GSE1: variants seen among roughly 807,000 people sequenced by gnomAD.
GSE1 encodes genetic suppressor element 1.
GSE1 carries 32 observed loss-of-function variants against 112.6 expected under a neutral mutation model. The ratio of observed to expected loss-of-function variants is 0.28; its 90% CI spans 0.21 to 0.38. GSE1 has a LOEUF of 0.38. Ranked by LOEUF, GSE1 falls within the 10% of genes least tolerant of loss-of-function variation. GSE1 has a pLI of 1.00. For synonymous variants in GSE1, 1,115 were observed against 735.6 expected, an observed-to-expected ratio of 1.52 and a Z score of -8.35; for missense variants, 2,348 against 1,699.2, an observed-to-expected ratio of 1.38 and a Z score of -6.71.
At chr16:85,488,298 C>T (rs1322127832) in intron 2 of GSE1, among the ~76,000 whole-genome samples, 1 of 152,128 alleles carries the variant, frequency 6.6e-6, no homozygotes. Context: ...GCTTGTCTGC[C>T]CGCCTCCGTT....
At chr16:85,460,517 A>C (rs1178398934) in intron 2 of GSE1, among the ~76,000 whole-genome samples, 1 of 152,256 alleles carries the variant, frequency 6.6e-6, no homozygotes, top group Non-Finnish European at 1.5e-5. Flanking sequence ...AAGGTAGTTC[A>C]TGTAAAGCCC....
At chr16:85,361,910 G>A (rs975492796) in intron 2 of GSE1, among the ~76,000 whole-genome samples, 11 of 152,182 alleles carry the variant, frequency 7.2e-5, no homozygotes, top group Middle Eastern at 3.4e-3. Flanking sequence ...ACTACGGTCG[G>A]ATAGGGCCAC....
chr16:85,597,076 C>A (rs1028890047), intron 1 of GSE1, among the ~76,000 whole-genome samples: 6 of 151,750 alleles, frequency 4.0e-5, no homozygotes, highest in Non-Finnish European at 7.4e-5. Flanking sequence ...CTCCTGGGTT[C>A]AAGCAATCCT....
In GSE1 at chr16:85,266,947, G is replaced by A. The variant is rs1480720556; in HGVS notation, c.2284-90516G>A. ...TCTGGACATCTGGTGCCTGCTCAGC[G>A]CGGGGACAGGAGGGAGCCTGCAGGG... is the stretch of plus-strand genomic sequence containing the variant. On this transcript the variant is annotated intron_variant, in intron 1 of 2. Transcript: ENST00000637419. Among the ~76,000 whole-genome samples, 14 of 152,308 alleles carry A rather than the reference G, an allele frequency of 9.2e-5. No individual in the cohort carries two copies. The East Asian group carries it at 1.5e-3, about 17-fold the overall frequency.
intron 1 of GSE1, among the ~76,000 whole-genome samples, chr16:85,289,605 C>T (rs761048797): frequency 5.9e-5 from 9 of 152,178 alleles, no homozygotes; most frequent in Non-Finnish European, 1.3e-4. Flanking sequence ...ACTTTGAGAA[C>T]CATGGAGCTG....
intron 2 of GSE1, among the ~76,000 whole-genome samples, chr16:85,435,880 C>T (rs1029734052): frequency 3.3e-5 from 5 of 152,112 alleles, no homozygotes; most frequent in African/African-American, 9.7e-5. Context: ...GTTCCCCAGG[C>T]AGGAAGCTGA....
intron 2 of GSE1, among the ~76,000 whole-genome samples, chr16:85,548,915 G>A (rs1450888525): frequency 1.3e-5 from 2 of 151,998 alleles, no homozygotes; most frequent in Admixed American, 6.6e-5. Flanking sequence ...TCAGCCTCCC[G>A]AGTAGCTGGG....
intron 1 of GSE1, among the ~76,000 whole-genome samples, chr16:85,204,146 T>C (rs1225080000): frequency 1.3e-5 from 2 of 152,208 alleles, no homozygotes; most frequent in African/African-American, 4.8e-5. Context: ...TTCCCCTCAG[T>C]CTCCAGCGAT....
intron 3 of GSE1, among the ~76,000 whole-genome samples, chr16:85,649,429 C>T (rs2051148298): frequency 6.6e-6 from 1 of 152,234 alleles, no homozygotes; most frequent in African/African-American, 2.4e-5. Context: ...CAGAACAAGA[C>T]ATCTGGTGGG....
chr16:85,593,729 T>C lies in GSE1; in HGVS notation c.37+37366T>C, dbSNP rs1380175471. Reference sequence around the variant, plus strand: ...TGCATAATCCACACAGTCACCCTGGTTTTAATTGCCCACAACTCTGCAGAA... The same window carrying C: ...TGCATAATCCACACAGTCACCCTGGCTTTAATTGCCCACAACTCTGCAGAA... On this transcript the variant is annotated intron_variant, in intron 1 of 2. Coordinates refer to the GSE1 transcript ENST00000635906. 4 of 152,226 alleles carry C rather than the reference T, an allele frequency of 2.6e-5. No homozygotes were observed. In the East Asian group the frequency reaches 7.7e-4, roughly 29 times the overall value. 9.4% of individuals were successfully genotyped at this position (152,226 alleles called of 1,614,324 possible).
chr16:85,435,668 G>GGA (rs1422212136), intron 2 of GSE1, among the ~76,000 whole-genome samples: 5 of 152,126 alleles, frequency 3.3e-5, no homozygotes, highest in East Asian at 3.9e-4. Context: ...AAGGGGAGAG[G>GGA]GAGAGACGGT....
At chr16:85,282,226 C>T (rs1011524846) in intron 1 of GSE1, among the ~76,000 whole-genome samples, 2 of 152,118 alleles carry the variant, frequency 1.3e-5, no homozygotes, top group African/African-American at 4.8e-5. Flanking sequence ...CGGGGTTTCA[C>T]CATGTTGGCC....
intron 2 of GSE1, among the ~76,000 whole-genome samples, chr16:85,636,432 CT>C (rs977319075): frequency 6.6e-6 from 1 of 152,182 alleles, no homozygotes; most frequent in Non-Finnish European, 1.5e-5. Flanking sequence ...CTGGTCACCC[CT>C]GTCAGGCCTT....
At chr16:85,522,444 A>G (rs751832874) in intron 2 of GSE1, among the ~76,000 whole-genome samples, 1 of 125,418 alleles carries the variant, frequency 8.0e-6, no homozygotes, top group Non-Finnish European at 1.6e-5. Context: ...CCTCCCTGCC[A>G]GAGGAGACCT....
rs887310220 is a variant in GSE1 at position 85,419,611 on chromosome 16, A to C, written c.2464+61968A>C. Among the ~76,000 whole-genome samples, 4 of 151,930 alleles carry C rather than the reference A, an allele frequency of 2.6e-5. No homozygotes were observed. Among genetic ancestry groups the C allele is most frequent in the East Asian group, 3.9e-4 (2 of 5,188 alleles). The stretch of plus-strand genomic sequence containing the variant: ...ATAGAGCAAGGCTGTGTCTCAAAAA[A>C]AAAAAACAAAAAACAAAAAACAAAA... On this transcript the variant is annotated intron_variant, in intron 2 of 2. Transcript: ENST00000637419. This position sits in a 1 kb window ranked among gnomAD's most constrained non-coding sequence, Gnocchi z 6.5.
At position 85,671,010 on chromosome 16, in the gene GSE1, G is replaced by T. The variant is rs991199912; in HGVS notation, c.3431G>T (p.Arg1144Leu). The T allele has an allele frequency of 1.2e-6, 2 of 1,608,734 alleles. No individual in the cohort carries two copies. The highest frequency in any genetic ancestry group is 8.5e-7 in the Non-Finnish European group (1 of 1,175,400). Residue 1144 changes from arginine to leucine, a missense_variant, in exon 15 of 16, where the codon CGG (arginine) becomes CTG (leucine). Coordinates refer to ENST00000253458, the MANE Select transcript of GSE1 (RefSeq NM_014615.5). ...QEHIEEQNLE[R>L]QVLQTQCRRL... ...GTCTTTTCAGAGCAAAATCTGGAGC[G>T]GCAGGTGTTACAGACACAATGTAGA...
intron 2 of GSE1, among the ~76,000 whole-genome samples, chr16:85,376,939 T>C (rs536189158): frequency 2.6e-5 from 4 of 152,354 alleles, no homozygotes; most frequent in African/African-American, 9.6e-5. Context: ...CGGCCCCTCC[T>C]GTTGTGCAGG....
rs1358059139 is a variant in GSE1, at chr16:85,675,476, C to T, written c.*2937C>T. ...GACTTTCCACATTTTAGTCTACATT[C>T]TAATCTTAAAGGAATAAAGCACTGA... On this transcript the variant is annotated 3_prime_UTR_variant, in exon 16 of 16. Coordinates refer to ENST00000253458, the MANE Select transcript of GSE1 (RefSeq NM_014615.5). 1 of 152,212 alleles carries T rather than the reference C, an allele frequency of 6.6e-6. No individual in the cohort carries two copies. The highest frequency in any genetic ancestry group is 1.5e-5 in the Non-Finnish European group (1 of 68,048). The allele number at this position is 152,212 out of a possible 1,614,324, so 9.4% of individuals were successfully genotyped here. A position where few individuals can be genotyped will look rare whatever the true frequency, so the allele number is the denominator to read the frequency against.
chr16:85,178,018 G>A (rs751074099), intron 1 of GSE1, among the ~76,000 whole-genome samples: 1 of 152,142 alleles, frequency 6.6e-6, no homozygotes, highest in Non-Finnish European at 1.5e-5. Context: ...AGCATGTGGC[G>A]CTCTGGGCAC....
Sources: gnomAD v4.1 joint callset for allele counts (sites outside exome capture counted in the v4.1 genomes callset) on GRCh38, gnomAD v4.1.1 for gene constraint, Gnocchi (gnomAD v3.1) non-coding constraint, MANE v1.5 for transcripts, NCBI Gene and HGNC (gene_info 2026-07-23, HGNC 2026-07-21) for gene names.